The following RIN3 variants were observed in gnomAD, a reference collection of about 807,000 sequenced individuals.
RIN3 encodes RAB5 interacting protein 3.
In RIN3, 54 loss-of-function variants were observed where a neutral mutation model predicts 76.3. The observed-to-expected ratio is 0.71, with a 90% CI of 0.57 to 0.89. The LOEUF is 0.89. Ranked by LOEUF, RIN3 falls within the 40% of genes least tolerant of loss-of-function variation. The pLI, the probability that RIN3 is intolerant of heterozygous loss-of-function variation, is 0.00. For missense variants in RIN3, 1,256 were observed against 1,322.1 expected (o/e 0.95, Z 0.78); for synonymous variants, 576 against 564.0 (o/e 1.02, Z -0.30).
rs1888960911 is a variant in RIN3, at chr14:92,688,336, G to A, written c.*84G>A. 1 of 1,286,582 alleles carries A rather than the reference G, an allele frequency of 7.8e-7. No individual in the cohort carries two copies. The highest frequency in any genetic ancestry group is 1.0e-6 in the Non-Finnish European group (1 of 959,870). 79.7% of individuals were successfully genotyped at this position (1,286,582 alleles called of 1,614,324 possible). A position where few individuals can be genotyped will look rare whatever the true frequency, so the allele number is the denominator to read the frequency against. On this transcript the variant is annotated 3_prime_UTR_variant, in exon 10 of 10. Coordinates refer to ENST00000216487, the MANE Select transcript of RIN3 (RefSeq NM_024832.5). ...GCGCACTCCCGACCGCGACGTCCAC[G>A]CAGCAGAGGGACATGGGCCATTCCA...
intron 2 of RIN3, among the ~76,000 whole-genome samples, chr14:92,556,461 C>A (rs1897585653): frequency 6.6e-6 from 1 of 152,150 alleles, no homozygotes; most frequent in Admixed American, 6.5e-5. Flanking sequence ...ATTTTCTAAG[C>A]CTCACTTTTG....
At position 92,659,293 on chromosome 14, in the gene RIN3, T is replaced by G; in HGVS notation, c.2159T>G (p.Leu720Arg). The G allele has an allele frequency of 6.2e-7, 1 of 1,613,900 alleles. No individual in the cohort carries two copies. Among genetic ancestry groups the G allele is most frequent in the Non-Finnish European group, 8.5e-7 (1 of 1,179,838 alleles). The change falls in exon 7 of 10, where the codon CTG (leucine) becomes CGG (arginine). Residue 720 changes from leucine (L) to arginine (R), a missense_variant. Around this residue, in one of 3 missense-constraint regions of RIN3, gnomAD observed 428 missense variants for 521.2 expected, o/e 0.82. Transcript: ENST00000216487. The stretch of plus-strand genomic sequence containing the variant: ...CTCAAGGAGAACCAGTTAGTGATCC[T>G]GGCCACCACCACCACTGACCTAGGT... ...QQLKENQLVI[L>R]ATTTTDLGVT...
intron 3 of RIN3, among the ~76,000 whole-genome samples, chr14:92,599,078 A>G (rs1423990554): frequency 6.6e-6 from 1 of 152,136 alleles, no homozygotes; most frequent in African/African-American, 2.4e-5. Context: ...TGTGAAAGGG[A>G]GGGAAAGCCG....
At position 92,623,223 on chromosome 14, in the gene RIN3, T is replaced by C. The variant is rs1266359853; in HGVS notation, c.440+7744T>C. On this transcript the variant is annotated intron_variant, in intron 4 of 9. Coordinates refer to ENST00000216487, the MANE Select transcript of RIN3 (RefSeq NM_024832.5). The surrounding 1 kb of genome is among the most constrained non-coding windows in gnomAD (Gnocchi z 4.9). ...GTAAGACCTTGTAAAGCTTTTGTAA[T>C]TGTTCCATCAGGAGCTGTATTGTTG... is the stretch of plus-strand genomic sequence containing the variant. Among the ~76,000 whole-genome samples, 2 of 152,236 alleles carry C rather than the reference T, an allele frequency of 1.3e-5. No individual in the cohort carries two copies. The highest frequency in any genetic ancestry group is 2.4e-5 in the African/African-American group (1 of 41,464).
intron 3 of RIN3, among the ~76,000 whole-genome samples, chr14:92,588,541 T>C (rs1884864364): frequency 6.6e-6 from 1 of 152,076 alleles, no homozygotes; most frequent in Non-Finnish European, 1.5e-5. Flanking sequence ...AGCACTCTTT[T>C]ATAAGGGCAC....
chr14:92,662,504 G>A (rs1218847441), intron 7 of RIN3, among the ~76,000 whole-genome samples: 3 of 152,246 alleles, frequency 2.0e-5, no homozygotes, highest in Admixed American at 1.3e-4. Context: ...TGTTCAATAG[G>A]CACAGCCACA....
chr14:92,574,812 G>A (rs994965208), intron 2 of RIN3, among the ~76,000 whole-genome samples: 2 of 152,056 alleles, frequency 1.3e-5, no homozygotes, highest in Non-Finnish European at 1.5e-5. Flanking sequence ...TGCTCTGGAA[G>A]GGCCATACAC....
chr14:92,687,048 G>C (rs1888885137), intron 9 of RIN3: 1 of 152,366 alleles, frequency 6.6e-6, no homozygotes, highest in Non-Finnish European at 1.5e-5. Context: ...CAGGCCTGCT[G>C]TTCCCAATCC....
At chr14:92,571,028 C>T (rs1898050240) in intron 2 of RIN3, among the ~76,000 whole-genome samples, 2 of 152,228 alleles carry the variant, frequency 1.3e-5, no homozygotes, top group South Asian at 4.1e-4. Context: ...TGTAAACAGA[C>T]TGTAAAATAC....
intron 1 of RIN3, among the ~76,000 whole-genome samples, chr14:92,532,647 A>T (rs1179251700): frequency 6.6e-6 from 1 of 152,148 alleles, no homozygotes; most frequent in Non-Finnish European, 1.5e-5. Flanking sequence ...TCAACCCCAG[A>T]TGATGAGGAA....
In RIN3 at chr14:92,594,432, CAA is replaced by C. The variant is rs35874661; in HGVS notation, c.367+16972_367+16973del. Among the ~76,000 whole-genome samples, 1,221 of 130,528 alleles carry C rather than the reference CAA, an allele frequency of 9.4e-3. 13 individuals carry two copies. Among genetic ancestry groups the C allele is most frequent in the African/African-American group, 0.027 (936 of 35,250 alleles). The allele number at this position is 130,528 out of a possible 152,430, so 85.6% of individuals were successfully genotyped here. The stretch of plus-strand genomic sequence containing the variant: ...GGGCAACAAGAGCGAAACTCTGTCT[CAA>C]AAAAAAAAAAAAAAAATTGTAATCA... On this transcript the variant is annotated intron_variant, in intron 3 of 9. Transcript: ENST00000216487.
intron 3 of RIN3, among the ~76,000 whole-genome samples, chr14:92,609,843 CTGTGTGTGTGTGTG>C (rs34350495): frequency 1.1e-4 from 15 of 138,414 alleles, no homozygotes; most frequent in African/African-American, 3.2e-4. Context: ...GAAATTCAGT[CTGTGTGTGTGTGTG>C]TGTGTGTGTG....
intron 1 of RIN3, among the ~76,000 whole-genome samples, chr14:92,517,237 CT>C (rs1896466643): frequency 2.6e-5 from 4 of 152,126 alleles, no homozygotes; most frequent in Admixed American, 2.6e-4. Flanking sequence ...GGTGGAGGGG[CT>C]TGTGGGGCAG....
chr14:92,685,225 G>A lies in RIN3; in HGVS notation c.2631+75G>A. 3 of 1,454,680 alleles carry A rather than the reference G, an allele frequency of 2.1e-6. No homozygotes were observed. Among genetic ancestry groups the A allele is most frequent in the Non-Finnish European group, 1.8e-6 (2 of 1,083,372 alleles). 90.1% of individuals were successfully genotyped at this position (1,454,680 alleles called of 1,614,324 possible). A position where few individuals can be genotyped will look rare whatever the true frequency, so the allele number is the denominator to read the frequency against. The stretch of plus-strand genomic sequence containing the variant: ...ATCCCTGCTGCCTGCTGGCTAAGGA[G>A]CCGTGACATCACCTGGCTGCTCCAG... On this transcript the variant is annotated intron_variant, in intron 9 of 9. Transcript: ENST00000216487. This position sits in a 1 kb window ranked among gnomAD's most constrained non-coding sequence, Gnocchi z 4.7.
chr14:92,613,653 C>A (rs1351136442), intron 3 of RIN3, among the ~76,000 whole-genome samples: 1 of 152,118 alleles, frequency 6.6e-6, no homozygotes, highest in Non-Finnish European at 1.5e-5. Flanking sequence ...CACCTATGTG[C>A]GTGTGGCTTT....
At chr14:92,537,634 CTTTTTTTTTTTTTT>C (rs576683908) in intron 1 of RIN3, among the ~76,000 whole-genome samples, 4 of 51,628 alleles carry the variant, frequency 7.7e-5, no homozygotes, top group East Asian at 7.9e-4. Flanking sequence ...GCCTTAGGGA[CTTTTTTTTTTTTTT>C]TTTTTTTTTT....
At chr14:92,684,400 A>AAC (rs1043981557) in intron 8 of RIN3, among the ~76,000 whole-genome samples, 1 of 151,856 alleles carries the variant, frequency 6.6e-6, no homozygotes, top group Non-Finnish European at 1.5e-5. Flanking sequence ...AAAAAAAAAA[A>AAC]AACCTCACAC....
At chr14:92,530,560 T>G (rs1200877309) in intron 1 of RIN3, among the ~76,000 whole-genome samples, 1 of 152,204 alleles carries the variant, frequency 6.6e-6, no homozygotes, top group African/African-American at 2.4e-5. Flanking sequence ...GAGACTGCAT[T>G]GCCCAGTTTA....
chr14:92,551,846 C>G (rs1897434813), intron 1 of RIN3, among the ~76,000 whole-genome samples: 1 of 152,212 alleles, frequency 6.6e-6, no homozygotes, highest in Non-Finnish European at 1.5e-5. Context: ...TTCCCCCAGC[C>G]TGATGGGCAG....
Sources: allele counts gnomAD v4.1 joint callset (sites outside exome capture counted in the v4.1 genomes callset), GRCh38; gene constraint gnomAD v4.1.1; regional missense constraint gnomAD v4.1.1; non-coding constraint Gnocchi (gnomAD v3.1); transcripts MANE v1.5; gene names NCBI Gene and HGNC (gene_info 2026-07-23, HGNC 2026-07-21).